Variants in IPO5 observed in about 807,000 individuals in gnomAD.
IPO5 encodes importin 5.
IPO5 carries 18 observed loss-of-function variants against 143.3 expected under a neutral mutation model. That is an observed-to-expected ratio of 0.13 (90% confidence interval 0.09 to 0.19). The LOEUF (loss-of-function observed/expected upper bound fraction) is 0.19, where lower values mean the gene tolerates loss of function less well. Among genes scored for constraint, IPO5 ranks in the 10% least tolerant of loss-of-function variants. The pLI is 1.00. For synonymous variants in IPO5, 477 were observed against 465.7 expected, an observed-to-expected ratio of 1.02 and a Z score of -0.31; for missense variants, 1,013 against 1,336.9, an observed-to-expected ratio of 0.76 and a Z score of 3.78.
chr13:97,993,092 GTCT>G lies in IPO5; in HGVS notation c.793-8_793-6del. 1 of 1,613,778 alleles carries G rather than the reference GTCT, an allele frequency of 6.2e-7. No individual in the cohort carries two copies. Among genetic ancestry groups the G allele is most frequent in the Non-Finnish European group, 8.5e-7 (1 of 1,179,820 alleles). ...TAAATTATTAAATGTATACAAATAT[GTCT>G]TCTTTGTAGTTGTGTGGAGACACTA... On this transcript the variant is annotated splice_polypyrimidine_tract_variant and intron_variant, in intron 10 of 28. Transcript: ENST00000651721.
At chr13:97,997,773 A>G (rs1189199709) in intron 12 of IPO5, among the ~76,000 whole-genome samples, 155 bp downstream of exon 12, 1 of 152,226 alleles carries the variant, frequency 6.6e-6, no homozygotes, top group Non-Finnish European at 1.5e-5. Context: ...GTCACATGTT[A>G]TAAGTAGTAT....
intron 2 of IPO5, among the ~76,000 whole-genome samples, chr13:97,968,447 A>C (rs2139539384): frequency 6.6e-6 from 1 of 152,258 alleles, no homozygotes; most frequent in Non-Finnish European, 1.5e-5. Context: ...CTATCTAGTT[A>C]TCCTATCCGT....
intron 6 of IPO5, chr13:97,987,989 G>A (rs1376330757): frequency 1.3e-5 from 4 of 303,202 alleles, no homozygotes; most frequent in African/African-American, 6.5e-5. Flanking sequence ...TCCCCTCAAA[G>A]CATCATCTTT....
At position 98,012,801 on chromosome 13, in the gene IPO5, A is replaced by ATTTTTTTTTTTTTTTTT. The variant is rs59658983; in HGVS notation, c.2152+469_2152+485dup. Among the ~76,000 whole-genome samples the ATTTTTTTTTTTTTTTTT allele has an allele frequency of 3.0e-4, 33 of 109,154 alleles. 1 individual carries two copies. The highest frequency in any genetic ancestry group is 4.2e-4 in the Non-Finnish European group (23 of 54,976). 71.6% of individuals were successfully genotyped at this position (109,154 alleles called of 152,430 possible). On this transcript the variant is annotated intron_variant, in intron 21 of 28. Transcript: ENST00000651721. The stretch of plus-strand genomic sequence containing the variant: ...ACAACACCAAGCCCAGCTAGATTTG[A>ATTTTTTTTTTTTTTTTT]TTTTTTTTTTTTTTTTTTTTTTTTT...
In IPO5 at chr13:97,954,664, T is replaced by A. The variant is rs1328664807; in HGVS notation, c.-113+466T>A. Among the ~76,000 whole-genome samples, 3 of 152,338 alleles carry A rather than the reference T, an allele frequency of 2.0e-5. No homozygotes were observed. The East Asian group carries it at 5.8e-4, about 29-fold the overall frequency. On this transcript the variant is annotated intron_variant, in intron 2 of 28. Transcript: ENST00000651721. ...TACTTAAGGAACCACCTGGTTAACT[T>A]CTTCTCCTAGAACTTAATCCCCTAA...
At chr13:98,008,248 C>G (rs761918951) in intron 18 of IPO5, 106 bp downstream of exon 18, 2 of 651,730 alleles carry the variant, frequency 3.1e-6, no homozygotes, top group Non-Finnish European at 5.5e-6. Context: ...GACATACTAT[C>G]AACCCCTGCT....
At position 98,003,029 on chromosome 13, in the gene IPO5, C is replaced by G. The variant is rs1377389874; in HGVS notation, c.1489C>G (p.Leu497Val). ...TCTGCATTCCATTATGGTACTGAAG[C>G]TTCAAGAGGTAAGTTTTAAGATCTG... ...KHLHSIMVLK[L>V]QELIQKGTKL... The change falls in exon 16 of 29, where the codon CTT becomes GTT. Residue 497 changes from leucine (L) to valine (V), a missense_variant. Around this residue, in one of 2 missense-constraint regions of IPO5, gnomAD observed 685 missense variants for 994.9 expected, o/e 0.69. Coordinates refer to ENST00000651721, the MANE Select transcript of IPO5 (RefSeq NM_002271.6). 6.2e-7 allele frequency: 1 copy of G among 1,603,966 alleles called. No individual in the cohort carries two copies. The highest frequency in any genetic ancestry group is 2.2e-5 in the East Asian group (1 of 44,854).
chr13:97,964,639 C>T (rs1380024887), intron 2 of IPO5, among the ~76,000 whole-genome samples: 5 of 151,548 alleles, frequency 3.3e-5, no homozygotes, highest in Non-Finnish European at 7.4e-5. Context: ...AAAGTAGAGA[C>T]GGGGTTTCAC....
intron 28 of IPO5, 22 bp downstream of exon 28, chr13:98,021,155 G>T (rs758452638): frequency 2.5e-6 from 4 of 1,572,254 alleles, no homozygotes. Context: ...TGGTTGAATT[G>T]GGGAGGGGGA....
chr13:97,956,571 G>A (rs921789538), intron 2 of IPO5, among the ~76,000 whole-genome samples: 5 of 152,002 alleles, frequency 3.3e-5, no homozygotes, highest in Admixed American at 6.6e-5. Context: ...CTTTGATTTC[G>A]TATGCTTTAT....
At chr13:98,015,437 G>A (rs1890062555) in intron 22 of IPO5, 93 bp from the exon 23 acceptor site, 1 of 705,854 alleles carries the variant, frequency 1.4e-6, no homozygotes, top group African/African-American at 1.8e-5. Flanking sequence ...ACTGAACTGT[G>A]TTCATTTTTC....
intron 11 of IPO5, among the ~76,000 whole-genome samples, chr13:97,995,884 G>A (rs1375730608): frequency 6.6e-6 from 1 of 152,186 alleles, no homozygotes; most frequent in Non-Finnish European, 1.5e-5. Flanking sequence ...ATGCTTAATA[G>A]TAGATAATTT....
chr13:98,021,656 A>G, intron 28 of IPO5, 80 bp from the exon 29 acceptor site: 1 of 736,638 alleles, frequency 1.4e-6, no homozygotes, highest in South Asian at 3.4e-5. Flanking sequence ...TGCCATGATT[A>G]CAGTTTACCT....
At position 97,991,463 on chromosome 13, in the gene IPO5, T is replaced by C. The variant is rs141341308; in HGVS notation, c.669+926T>C. Among the ~76,000 whole-genome samples the C allele has an allele frequency of 8.5e-4, 130 of 152,326 alleles. 1 individual carries two copies. Among genetic ancestry groups the C allele is most frequent in the African/African-American group, 2.9e-3 (120 of 41,576 alleles). On this transcript the variant is annotated intron_variant, in intron 9 of 28. Coordinates refer to ENST00000651721, the MANE Select transcript of IPO5 (RefSeq NM_002271.6). Reference sequence around the variant, plus strand: ...AAGATTTCCTAAAATAGTAAGGTTCTGAACAAAGCAAAGTAGAGGTTGAGT... The same window carrying C: ...AAGATTTCCTAAAATAGTAAGGTTCCGAACAAAGCAAAGTAGAGGTTGAGT...
rs757806598 is a variant in IPO5 at position 98,002,448 on chromosome 13, C to A, written c.1109-19C>A. On this transcript the variant is annotated intron_variant, in intron 13 of 28. Transcript: ENST00000651721. The stretch of plus-strand genomic sequence containing the variant: ...TTATAGTGTGTAATTGCTATTCCAT[C>A]TGTAATTTTTTTCGGTAGCTGACTG... 1 of 1,612,102 alleles carries A rather than the reference C, an allele frequency of 6.2e-7. No homozygotes were observed. Among genetic ancestry groups the A allele is most frequent in the East Asian group, 2.2e-5 (1 of 44,872 alleles).
Position 98,019,602 on chromosome 13 carries a change from G to A in IPO5, c.2858G>A (p.Arg953Lys), listed in dbSNP as rs1890346871. 1.9e-6 allele frequency: 3 copies of A among 1,613,764 alleles called. No homozygotes were observed. Among genetic ancestry groups the A allele is most frequent in the Middle Eastern group, 3.3e-4 (2 of 6,060 alleles). The change falls in exon 27 of 29, where the codon AGA becomes AAA. Residue 953 changes from arginine to lysine, a missense_variant. This residue lies in a region of IPO5 where 685 missense variants were observed against 994.9 expected (regional missense o/e 0.69). Transcript: ENST00000651721. Reference sequence around the variant, plus strand: ...TTAGAAGCACTTCCCCTGCTGGTAAGAGTTATTCAGTCTGCGGATTCTAAG... The same window carrying A: ...TTAGAAGCACTTCCCCTGCTGGTAAAAGTTATTCAGTCTGCGGATTCTAAG... The part of the protein sequence containing the change: ...FCTEALPLLV[R>K]VIQSADSKTK...
At position 97,989,114 on chromosome 13, in the gene IPO5, A is replaced by G. The variant is rs370847856; in HGVS notation, c.417A>G (p.Ser139=). ...WPEGLKFLFD[S]VSSQNVGLRE... ...AAGGTTTGAAGTTCCTTTTTGATTC[A>G]GTCAGCTCTCAAAATGTGGGACTGC... The change falls in exon 7 of 29, where the codon TCA becomes TCG. Residue 139 remains serine, a synonymous_variant. Coordinates refer to ENST00000651721, the MANE Select transcript of IPO5 (RefSeq NM_002271.6). 5.0e-6 allele frequency: 8 copies of G among 1,613,780 alleles called. No homozygotes were observed. The African/African-American group carries it at 1.1e-4, about 22-fold the overall frequency.
chr13:98,015,271 T>TGTGTGTGTGTG (rs56111702), intron 22 of IPO5, among the ~76,000 whole-genome samples: 1 of 151,452 alleles, frequency 6.6e-6, no homozygotes, highest in African/African-American at 2.4e-5. Context: ...TGTGTGTGTG[T>TGTGTGTGTGTG]TTTCCATCTT....
intron 26 of IPO5, 60 bp from the exon 27 acceptor site, chr13:98,019,521 A>G (rs1390239987): frequency 2.7e-6 from 3 of 1,119,240 alleles, no homozygotes; most frequent in South Asian, 1.3e-5. Context: ...AAAAATACAT[A>G]TATTCATTTG....
Sources: allele counts gnomAD v4.1 joint callset (sites outside exome capture counted in the v4.1 genomes callset), GRCh38; gene constraint gnomAD v4.1.1; regional missense constraint gnomAD v4.1.1; transcripts MANE v1.5; gene names NCBI Gene and HGNC (gene_info 2026-07-23, HGNC 2026-07-21).